The following RIMS2 variants were observed in gnomAD, a reference collection of about 807,000 sequenced individuals.
RIMS2 encodes the protein regulating synaptic membrane exocytosis 2, also known as regulating synaptic membrane exocytosis protein 2.
Under a neutral mutation model 174.4 loss-of-function variants are expected in RIMS2, and 59 were observed. The observed-to-expected ratio is 0.34, with a 90% CI of 0.27 to 0.42. The LOEUF (loss-of-function observed/expected upper bound fraction) is 0.42, where lower values mean the gene tolerates loss of function less well. RIMS2 is among the 10% of genes least tolerant of loss of function. RIMS2 has a pLI of 1.00. For missense variants in RIMS2, 1,620 were observed against 1,666.3 expected (o/e 0.97, Z 0.48); for synonymous variants, 606 against 572.5 (o/e 1.06, Z -0.84).
chr8:103,750,132 C>A (rs1015653851), intron 2 of RIMS2, among the ~76,000 whole-genome samples: 10 of 152,000 alleles, frequency 6.6e-5, no homozygotes, highest in Non-Finnish European at 1.2e-4. Flanking sequence ...TCTGGCCCAA[C>A]TGGATTCACT....
chr8:104,248,933 A>ATTTTTTT, intron 21 of RIMS2, 120 bp downstream of exon 27: 11 of 484,210 alleles, frequency 2.3e-5, no homozygotes, highest in African/African-American at 9.7e-5. Flanking sequence ...CTCTCCCTCT[A>ATTTTTTT]TTTTTTTTTT....
At chr8:104,226,162 A>C (rs2138888630) in intron 19 of RIMS2, among the ~76,000 whole-genome samples, 1 of 152,294 alleles carries the variant, frequency 6.6e-6, no homozygotes, top group East Asian at 1.9e-4. Flanking sequence ...CCACTGTATG[A>C]TTTTCACACT....
chr8:104,109,296 CAAAA>C (rs1170353786), intron 19 of RIMS2, among the ~76,000 whole-genome samples: 1 of 50,220 alleles, frequency 2.0e-5, no homozygotes, highest in African/African-American at 7.4e-5. Context: ...GACTCTGTCT[CAAAA>C]AAAAAAAAAA....
intron 11 of RIMS2, among the ~76,000 whole-genome samples, chr8:103,929,601 T>C (rs1750957163): frequency 6.6e-6 from 1 of 151,844 alleles, no homozygotes; most frequent in Admixed American, 6.6e-5. Context: ...CATAAACTCT[T>C]TAAAACTGGT....
intron 1 of RIMS2, among the ~76,000 whole-genome samples, chr8:103,595,138 A>G (rs558008304): frequency 6.6e-6 from 1 of 151,908 alleles, no homozygotes; most frequent in Admixed American, 6.6e-5. Flanking sequence ...CTTATTGTGG[A>G]AAATTACTAC....
intron 3 of RIMS2, among the ~76,000 whole-genome samples, chr8:103,828,931 A>G (rs1390087786): frequency 6.6e-6 from 1 of 151,884 alleles, no homozygotes; most frequent in Non-Finnish European, 1.5e-5. Flanking sequence ...CTTTATATCT[A>G]TTTTTGTACC....
chr8:104,069,589 C>T (rs1015321638), intron 19 of RIMS2, among the ~76,000 whole-genome samples: 60 of 151,428 alleles, frequency 4.0e-4, no homozygotes, highest in African/African-American at 1.4e-3. Context: ...CTGCCTCAGC[C>T]TGCCAAGTAC....
intron 1 of RIMS2, among the ~76,000 whole-genome samples, chr8:103,646,818 CATTT>C (rs1417300725): frequency 6.6e-5 from 10 of 152,128 alleles, no homozygotes; most frequent in Non-Finnish European, 1.5e-4. Context: ...ATTTGAATAG[CATTT>C]ATTTTTTTCT....
At chr8:104,002,263 C>G (rs1596827981) in intron 17 of RIMS2, among the ~76,000 whole-genome samples, 1 of 152,098 alleles carries the variant, frequency 6.6e-6, no homozygotes, top group South Asian at 2.1e-4. Context: ...CTCTCTTGAT[C>G]CCTTTATTCT....
intron 4 of RIMS2, among the ~76,000 whole-genome samples, chr8:103,907,029 G>A (rs1411553680): frequency 1.3e-5 from 2 of 152,178 alleles, no homozygotes; most frequent in East Asian, 1.9e-4. Context: ...CATATTGTGT[G>A]TGTTAGGTAA....
chr8:103,974,390 A>G (rs889426960), intron 15 of RIMS2, among the ~76,000 whole-genome samples: 1 of 152,352 alleles, frequency 6.6e-6, no homozygotes, highest in East Asian at 1.9e-4. Flanking sequence ...AAAGAGTATG[A>G]TGAAGATAAT....
intron 3 of RIMS2, among the ~76,000 whole-genome samples, chr8:103,780,159 T>G (rs1391920326): frequency 6.6e-6 from 1 of 152,158 alleles, no homozygotes; most frequent in African/African-American, 2.4e-5. Flanking sequence ...TTCTTCTAGC[T>G]GCTTTTAGGA....
intron 19 of RIMS2, among the ~76,000 whole-genome samples, chr8:104,092,220 A>G (rs1051749750): frequency 6.6e-6 from 1 of 151,796 alleles, no homozygotes; most frequent in Non-Finnish European, 1.5e-5. Context: ...TCTATCTAAT[A>G]CTTGCAATGA....
chr8:103,914,384 C>T (rs775644713), intron 6 of RIMS2, among the ~76,000 whole-genome samples: 14 of 152,028 alleles, frequency 9.2e-5, no homozygotes, highest in African/African-American at 2.4e-4. Context: ...CTTACCTGTT[C>T]GATGAGGATA....
At chr8:103,614,537 T>C (rs996705681) in intron 1 of RIMS2, among the ~76,000 whole-genome samples, 3 of 152,228 alleles carry the variant, frequency 2.0e-5, no homozygotes, top group Non-Finnish European at 2.9e-5. Flanking sequence ...GATAGTGCTT[T>C]TGTGTGTGCC....
chr8:103,519,407 A>G (rs538257965), intron 1 of RIMS2, among the ~76,000 whole-genome samples: 76 of 152,266 alleles, frequency 5.0e-4, no homozygotes, highest in Non-Finnish European at 9.1e-4. Flanking sequence ...TAATCATGCC[A>G]TAGCTCAAAC....
intron 1 of RIMS2, among the ~76,000 whole-genome samples, chr8:103,550,897 A>G (rs1379981903): frequency 6.6e-6 from 1 of 152,226 alleles, no homozygotes; most frequent in Non-Finnish European, 1.5e-5. Context: ...AGACTAAACC[A>G]GGAAGAAGTT....
chr8:103,981,047 C>T (rs1016764854), intron 16 of RIMS2, among the ~76,000 whole-genome samples: 2 of 152,158 alleles, frequency 1.3e-5, no homozygotes, highest in African/African-American at 4.8e-5. Flanking sequence ...GCTTTGCCAC[C>T]TACTGATTGT....
intron 1 of RIMS2, among the ~76,000 whole-genome samples, chr8:103,543,635 A>C (rs545041011): frequency 3.9e-5 from 6 of 152,342 alleles, no homozygotes; most frequent in Admixed American, 3.9e-4. Context: ...ACAGCATGGT[A>C]CTATAAACAG....
Sources: allele counts gnomAD v4.1 joint callset (sites outside exome capture counted in the v4.1 genomes callset), GRCh38; gene constraint gnomAD v4.1.1; transcripts MANE v1.5; gene names NCBI Gene and HGNC (gene_info 2026-07-23, HGNC 2026-07-21).